The following ADARB2 variants were observed in gnomAD, a reference collection of about 807,000 sequenced individuals.
ADARB2 encodes adenosine deaminase RNA specific B2 (inactive).
ADARB2 carries 25 observed loss-of-function variants against 62.2 expected under a neutral mutation model. The observed-to-expected ratio is 0.40, with a 90% CI of 0.29 to 0.56. ADARB2 has a LOEUF of 0.56. Ranked by LOEUF, ADARB2 falls within the 20% of genes least tolerant of loss-of-function variation. The pLI is 0.43. For synonymous variants in ADARB2, 572 were observed against 500.8 expected, an observed-to-expected ratio of 1.14 and a Z score of -1.90; for missense variants, 1,071 against 1,077.4, an observed-to-expected ratio of 0.99 and a Z score of 0.08.
At chr10:1,430,404 A>T (rs1830766868) in intron 1 of ADARB2, among the ~76,000 whole-genome samples, 2 of 152,244 alleles carry the variant, frequency 1.3e-5, no homozygotes, top group African/African-American at 4.8e-5. Flanking sequence ...TAATTATGCT[A>T]ATTGTAAATG....
chr10:1,510,021 T>G (rs1831901724), intron 1 of ADARB2, among the ~76,000 whole-genome samples: 1 of 148,220 alleles, frequency 6.7e-6, no homozygotes, highest in Admixed American at 6.7e-5. Flanking sequence ...TTCTTCTTTC[T>G]TTTTTCTCTT....
intron 1 of ADARB2, among the ~76,000 whole-genome samples, chr10:1,705,586 C>A (rs1417729349): frequency 6.6e-6 from 1 of 152,314 alleles, no homozygotes; most frequent in Admixed American, 6.5e-5. Flanking sequence ...TTGTAGAGAA[C>A]AAGCTTAATC....
intron 1 of ADARB2, among the ~76,000 whole-genome samples, chr10:1,655,699 C>A (rs1834165026): frequency 6.6e-6 from 1 of 151,976 alleles, no homozygotes. Flanking sequence ...CTGGAAATGC[C>A]TTTTTATTAG....
At chr10:1,190,371 T>C (rs138045982) in intron 8 of ADARB2, among the ~76,000 whole-genome samples, 11 of 150,886 alleles carry the variant, frequency 7.3e-5, no homozygotes, top group Middle Eastern at 3.4e-3. Context: ...ACTTCTGTGA[T>C]GCACCTCCTG....
chr10:1,694,400 A>G (rs1241442726), intron 1 of ADARB2, among the ~76,000 whole-genome samples: 1 of 152,258 alleles, frequency 6.6e-6, no homozygotes, highest in African/African-American at 2.4e-5. Context: ...TGGTGTGTAT[A>G]CAATGTGTAT....
At position 1,564,388 on chromosome 10, in the gene ADARB2, A is replaced by G. The variant is rs1832829197; in HGVS notation, c.100+172663T>C. Among the ~76,000 whole-genome samples, 11 of 152,376 alleles carry G rather than the reference A, an allele frequency of 7.2e-5. No homozygotes were observed. The South Asian group carries it at 2.3e-3, about 32-fold the overall frequency. On this transcript the variant is annotated intron_variant, in intron 1 of 9. Coordinates refer to ENST00000381312, the MANE Select transcript of ADARB2 (RefSeq NM_018702.4). The stretch of plus-strand genomic sequence containing the variant: ...GTCTAAAACACCAAAAGCAATGGCA[A>G]CAAAAGCCAGAATTGACAAATGGGA...
chr10:1,376,033 A>G (rs905809811), intron 2 of ADARB2, among the ~76,000 whole-genome samples: 4 of 151,816 alleles, frequency 2.6e-5, no homozygotes, highest in African/African-American at 9.7e-5. Flanking sequence ...CACCCCACAC[A>G]CGTGCACGTA....
At chr10:1,601,132 G>A (rs1041841648) in intron 1 of ADARB2, among the ~76,000 whole-genome samples, 3 of 152,222 alleles carry the variant, frequency 2.0e-5, no homozygotes, top group Admixed American at 1.3e-4. Context: ...AGAACAGAAA[G>A]CCAGTTTGCC....
At chr10:1,617,433 G>T (rs1833654901) in intron 1 of ADARB2, among the ~76,000 whole-genome samples, 1 of 84,122 alleles carries the variant, frequency 1.2e-5, no homozygotes, top group Admixed American at 1.3e-4. Flanking sequence ...CTGCCTCATG[G>T]GAACTGACCT....
chr10:1,504,042 C>G (rs575605641), intron 1 of ADARB2, among the ~76,000 whole-genome samples: 3 of 152,282 alleles, frequency 2.0e-5, no homozygotes, highest in Non-Finnish European at 4.4e-5. Flanking sequence ...AGTTTTTGAT[C>G]ATTCAGCCTC....
chr10:1,234,948 T>C (rs1302351277), intron 5 of ADARB2, among the ~76,000 whole-genome samples: 1 of 152,112 alleles, frequency 6.6e-6, no homozygotes, highest in East Asian at 1.9e-4. Context: ...GGTTTTGCCA[T>C]GTTGGCCAGG....
At chr10:1,332,483 T>TTTTG (rs1328912804) in intron 3 of ADARB2, among the ~76,000 whole-genome samples, 4 of 132,914 alleles carry the variant, frequency 3.0e-5, no homozygotes, top group East Asian at 4.1e-4. Flanking sequence ...TCAGTTTTGT[T>TTTTG]TTTTTTTTTT....
chr10:1,224,637 A>C (rs1409349704), intron 6 of ADARB2, among the ~76,000 whole-genome samples: 10 of 152,038 alleles, frequency 6.6e-5, no homozygotes, highest in East Asian at 1.9e-4. Context: ...CTTTGTTCTT[A>C]TTGGTTTCAA....
At chr10:1,514,166 A>G (rs1831975473) in intron 1 of ADARB2, among the ~76,000 whole-genome samples, 2 of 57,492 alleles carry the variant, frequency 3.5e-5, no homozygotes, top group Non-Finnish European at 3.4e-5. Context: ...ACAGTGTGAG[A>G]CGCTGTCTCA....
intron 1 of ADARB2, among the ~76,000 whole-genome samples, chr10:1,659,919 C>A (rs1360516376): frequency 6.7e-6 from 1 of 148,246 alleles, no homozygotes; most frequent in Non-Finnish European, 1.5e-5. Context: ...CTGTCTCCAC[C>A]CTCTTCCTCC....
At chr10:1,478,919 C>T (rs1564302379) in intron 1 of ADARB2, among the ~76,000 whole-genome samples, 1 of 152,260 alleles carries the variant, frequency 6.6e-6, no homozygotes, top group South Asian at 2.1e-4. Context: ...TGGGAGAGAA[C>T]CAAGATGGGG....
chr10:1,478,603 C>T, intron 1 of ADARB2, among the ~76,000 whole-genome samples: 1 of 152,202 alleles, frequency 6.6e-6, no homozygotes, highest in East Asian at 1.9e-4. Context: ...AAAACAAGGA[C>T]CCTCAGATGG....
chr10:1,668,060 C>T (rs969391718), intron 1 of ADARB2, among the ~76,000 whole-genome samples: 3 of 152,124 alleles, frequency 2.0e-5, no homozygotes, highest in African/African-American at 7.2e-5. Flanking sequence ...GCAGGAATCC[C>T]GCTGAGATAG....
intron 1 of ADARB2, among the ~76,000 whole-genome samples, chr10:1,415,337 G>A (rs963697790): frequency 6.6e-6 from 1 of 151,990 alleles, no homozygotes; most frequent in African/African-American, 2.4e-5. Context: ...TGGATGGATG[G>A]ATGGTGGGAT....
Sources: gnomAD v4.1 joint callset for allele counts (sites outside exome capture counted in the v4.1 genomes callset) on GRCh38, gnomAD v4.1.1 for gene constraint, MANE v1.5 for transcripts, NCBI Gene and HGNC (gene_info 2026-07-23, HGNC 2026-07-21) for gene names.